Variants in DTWD2 observed in about 807,000 individuals in gnomAD.
DTWD2 encodes the protein tRNA-uridine aminocarboxypropyltransferase 2.
In DTWD2, 39 loss-of-function variants were observed where a neutral mutation model predicts 31.8. The ratio of observed to expected loss-of-function variants is 1.22; its 90% CI spans 0.95 to 1.60. The LOEUF (loss-of-function observed/expected upper bound fraction) is 1.60. Among genes scored for constraint, DTWD2 ranks in the 40% most tolerant of loss-of-function variants. The probability of loss-of-function intolerance (pLI) is 0.00; values close to 1 mark genes in which losing one functional copy is unlikely to be tolerated. For synonymous variants in DTWD2, 180 were observed against 142.8 expected, an observed-to-expected ratio of 1.26 and a Z score of -1.86; for missense variants, 515 against 381.5, an observed-to-expected ratio of 1.35 and a Z score of -2.92.
chr5:118,919,994 G>C (rs1753664970), intron 4 of DTWD2, among the ~76,000 whole-genome samples: 1 of 151,154 alleles, frequency 6.6e-6, no homozygotes, highest in African/African-American at 2.4e-5. Flanking sequence ...GTATATTACA[G>C]TGTAATAAAA....
Position 118,892,783 on chromosome 5 carries a change from T to TA in DTWD2, c.597+35753dup, listed in dbSNP as rs963978425. Reference sequence around the variant, plus strand: ...TCCATCTGATCCTACTTCTAGGAGGTAAAAAAAAACCCAGCTCCATAAATA... The same window carrying TA: ...TCCATCTGATCCTACTTCTAGGAGGTAAAAAAAAAACCCAGCTCCATAAATA... On this transcript the variant is annotated intron_variant, in intron 4 of 5. Coordinates refer to ENST00000510708, the MANE Select transcript of DTWD2 (RefSeq NM_173666.4). Among the ~76,000 whole-genome samples, 63 of 150,672 alleles carry TA rather than the reference T, an allele frequency of 4.2e-4. No individual in the cohort carries two copies. The East Asian group carries it at 7.8e-3, about 19-fold the overall frequency.
At chr5:118,882,264 A>G (rs1752758368) in intron 4 of DTWD2, among the ~76,000 whole-genome samples, 1 of 152,254 alleles carries the variant, frequency 6.6e-6, no homozygotes, top group South Asian at 2.1e-4. Flanking sequence ...ATGCAGGGCA[A>G]GTTGATGCAA....
chr5:118,895,495 A>C (rs1459098984), intron 4 of DTWD2, among the ~76,000 whole-genome samples: 1 of 152,232 alleles, frequency 6.6e-6, no homozygotes, highest in Admixed American at 6.5e-5. Flanking sequence ...TTCTTCACAG[A>C]AACAGAAAAA....
At chr5:118,968,679 G>A (rs1474862123) in intron 1 of DTWD2, among the ~76,000 whole-genome samples, 3 of 152,202 alleles carry the variant, frequency 2.0e-5, no homozygotes, top group Admixed American at 6.5e-5. Flanking sequence ...AAAGCATAGC[G>A]CTATGCGGAG....
chr5:118,883,252 T>C (rs945554594), intron 4 of DTWD2, among the ~76,000 whole-genome samples: 2 of 152,184 alleles, frequency 1.3e-5, no homozygotes, highest in South Asian at 4.1e-4. Flanking sequence ...TCATCTCCAT[T>C]TGAGACCACC....
chr5:118,934,732 A>C (rs1255755251), intron 3 of DTWD2, among the ~76,000 whole-genome samples: 1 of 152,184 alleles, frequency 6.6e-6, no homozygotes, highest in African/African-American at 2.4e-5. Context: ...AAAACAAGTC[A>C]ATAACTACAT....
At chr5:118,907,647 C>T (rs1753364263) in intron 4 of DTWD2, among the ~76,000 whole-genome samples, 1 of 151,944 alleles carries the variant, frequency 6.6e-6, no homozygotes, top group Non-Finnish European at 1.5e-5. Context: ...AGGACAATCA[C>T]TTGAACCTGA....
rs1282416633 is a variant in DTWD2 at position 118,836,121 on chromosome 5, T to A, written c.*4796A>T. On this transcript the variant is annotated 3_prime_UTR_variant, in exon 6 of 6. Coordinates refer to ENST00000510708, the MANE Select transcript of DTWD2 (RefSeq NM_173666.4). ...TCTTTAATATACTTCTAAGTAACAA[T>A]AACAGTAAGACATATAGTAAAATTT... Among the ~76,000 whole-genome samples, 1 of 152,174 alleles carries A rather than the reference T, an allele frequency of 6.6e-6. No homozygotes were observed. The highest frequency in any genetic ancestry group is 1.5e-5 in the Non-Finnish European group (1 of 68,016).
At chr5:118,935,346 T>G (rs2149582116) in intron 3 of DTWD2, among the ~76,000 whole-genome samples, 1 of 152,178 alleles carries the variant, frequency 6.6e-6, no homozygotes, top group Non-Finnish European at 1.5e-5. Flanking sequence ...AGCTGATCAG[T>G]CAGAAGTTCC....
At chr5:118,977,885 A>AG (rs2149602376) in intron 1 of DTWD2, among the ~76,000 whole-genome samples, 2 of 152,336 alleles carry the variant, frequency 1.3e-5, no homozygotes, top group South Asian at 4.1e-4. Context: ...GACAATCCTA[A>AG]GGAAAAGAGG....
intron 1 of DTWD2, 198 bp downstream of exon 1, chr5:118,988,096 A>G (rs1580460015): frequency 1.4e-6 from 1 of 730,830 alleles, no homozygotes; most frequent in East Asian, 2.7e-5. Flanking sequence ...AAGTAAGGTT[A>G]GATAATCATG....
intron 4 of DTWD2, among the ~76,000 whole-genome samples, chr5:118,925,449 T>C (rs1753789444): frequency 6.6e-6 from 1 of 152,214 alleles, no homozygotes. Flanking sequence ...CTAATGCTCT[T>C]TTATCACGAT....
intron 1 of DTWD2, among the ~76,000 whole-genome samples, chr5:118,947,970 A>G (rs565731142): frequency 1.3e-5 from 2 of 152,330 alleles, no homozygotes; most frequent in East Asian, 3.9e-4. Flanking sequence ...ACTCACTTTA[A>G]TAACAAATGT....
intron 4 of DTWD2, among the ~76,000 whole-genome samples, chr5:118,892,917 T>C (rs1037951333): frequency 6.6e-6 from 1 of 152,180 alleles, no homozygotes; most frequent in Admixed American, 6.5e-5. Context: ...AACTGTAGTT[T>C]ATCCACTTAC....
intron 4 of DTWD2, among the ~76,000 whole-genome samples, chr5:118,914,914 A>C (rs1753539186): frequency 6.6e-6 from 1 of 152,160 alleles, no homozygotes; most frequent in South Asian, 2.1e-4. Flanking sequence ...GTTTTTAAAA[A>C]TCCTTATAAA....
chr5:118,840,068 C>G lies in DTWD2; in HGVS notation c.*849G>C, dbSNP rs1326051768. Reference sequence around the variant, plus strand: ...TCTCTTATTCTATACAAAATCTCAGCAAATATTTTCCCACAGAGCAGGAAG... The same window carrying G: ...TCTCTTATTCTATACAAAATCTCAGGAAATATTTTCCCACAGAGCAGGAAG... On this transcript the variant is annotated 3_prime_UTR_variant, in exon 6 of 6. Transcript: ENST00000510708. 6.6e-6 allele frequency: 1 copy of G among 152,106 alleles called. No homozygotes were observed. 9.4% of individuals were successfully genotyped at this position (152,106 alleles called of 1,614,324 possible). A position where few individuals can be genotyped will look rare whatever the true frequency, so the allele number is the denominator to read the frequency against.
intron 1 of DTWD2, among the ~76,000 whole-genome samples, chr5:118,985,527 T>A (rs975536136): frequency 1.4e-5 from 2 of 141,406 alleles, no homozygotes; most frequent in Non-Finnish European, 3.1e-5. Flanking sequence ...TACACACACA[T>A]ATATACATAC....
At chr5:118,951,113 C>A (rs545306706) in intron 1 of DTWD2, among the ~76,000 whole-genome samples, 1 of 152,226 alleles carries the variant, frequency 6.6e-6, no homozygotes, top group South Asian at 2.1e-4. Context: ...GGAGCAATAA[C>A]CTTGACCATG....
intron 4 of DTWD2, among the ~76,000 whole-genome samples, chr5:118,884,922 G>A (rs1268425590): frequency 9.3e-5 from 14 of 150,478 alleles, no homozygotes; most frequent in Non-Finnish European, 1.5e-4. Flanking sequence ...CATGAACCTA[G>A]GAGGCGGAGC....
Sources: allele counts gnomAD v4.1 joint callset (sites outside exome capture counted in the v4.1 genomes callset), GRCh38; gene constraint gnomAD v4.1.1; transcripts MANE v1.5; gene names NCBI Gene and HGNC (gene_info 2026-07-23, HGNC 2026-07-21).